Variants in BAZ2B observed in about 807,000 individuals in gnomAD.
BAZ2B encodes bromodomain adjacent to zinc finger domain protein 2B.
In BAZ2B, 91 loss-of-function variants were observed where a neutral mutation model predicts 246.0. The ratio of observed to expected loss-of-function variants is 0.37; its 90% confidence interval spans 0.31 to 0.44. The LOEUF (loss-of-function observed/expected upper bound fraction) is 0.44. BAZ2B is among the 20% of genes least tolerant of loss of function. The pLI is 1.00. For missense variants in BAZ2B, 2,332 were observed against 2,533.7 expected (o/e 0.92, Z 1.71); for synonymous variants, 855 against 860.0 (o/e 0.99, Z 0.10).
rs1313158347 is a variant in BAZ2B at position 159,529,019 on chromosome 2, G to A, written c.-3+26804C>T. The stretch of plus-strand genomic sequence containing the variant: ...AGGAGATATACCTAATGTAAATGAC[G>A]AGTTAATGGGTGCAGCACACCAACA... On this transcript the variant is annotated intron_variant, in intron 2 of 36. Transcript: ENST00000392783. Among the ~76,000 whole-genome samples, 4 of 151,248 alleles carry A rather than the reference G, an allele frequency of 2.6e-5. No individual in the cohort carries two copies. The South Asian group carries it at 6.3e-4, about 24-fold the overall frequency.
chr2:159,551,517 T>C (rs1395899096), intron 2 of BAZ2B, among the ~76,000 whole-genome samples: 1 of 136,868 alleles, frequency 7.3e-6, no homozygotes, highest in African/African-American at 2.7e-5. Flanking sequence ...TTATTAAATA[T>C]ACAGTAAAAT....
chr2:159,540,902 C>G (rs934030280), intron 2 of BAZ2B, among the ~76,000 whole-genome samples: 5 of 152,106 alleles, frequency 3.3e-5, no homozygotes, highest in Non-Finnish European at 7.4e-5. Context: ...TGAGAAGCAA[C>G]AAGTCACAAG....
At chr2:159,436,890 A>C (rs1559414005) in intron 8 of BAZ2B, among the ~76,000 whole-genome samples, 1 of 152,236 alleles carries the variant, frequency 6.6e-6, no homozygotes, top group Non-Finnish European at 1.5e-5. Flanking sequence ...TGAAGGATTC[A>C]ATGATTAAAT....
At chr2:159,694,052 T>G in the BAZ2B span, 1 of 152,290 alleles carries the variant, frequency 6.6e-6, no homozygotes, top group East Asian at 1.9e-4. Flanking sequence ...TACCTTAGAA[T>G]GTGATTGAAT....
In BAZ2B at chr2:159,524,656, C is replaced by T. The variant is rs2084531714; in HGVS notation, c.-3+31167G>A. ...GTTGTTACACTAATCACAAAGTTCA[C>T]TATTTATCAAAGCAAGTCCTCAAGT... On this transcript the variant is annotated intron_variant, in intron 2 of 36. Transcript: ENST00000392783. 2.6e-5 allele frequency among the ~76,000 whole-genome samples: 4 copies of T among 152,084 alleles called. No homozygotes were observed. The South Asian group carries it at 8.3e-4, about 32-fold the overall frequency.
chr2:159,315,503 G>A (rs181383989), downstream of BAZ2B, among the ~76,000 whole-genome samples: 1 of 152,280 alleles, frequency 6.6e-6, no homozygotes, highest in Admixed American at 6.5e-5. Context: ...CAGGCACAGG[G>A]CTGGTAAGCT....
chr2:159,623,478 T>C, the BAZ2B span, among the ~76,000 whole-genome samples: 1 of 152,170 alleles, frequency 6.6e-6, no homozygotes, highest in Non-Finnish European at 1.5e-5. Context: ...TTGCTCATAG[T>C]AAGAGAAATG....
chr2:159,347,882 TATAA>T (rs774954229), intron 30 of BAZ2B, among the ~76,000 whole-genome samples: 6 of 152,120 alleles, frequency 3.9e-5, no homozygotes, highest in African/African-American at 7.2e-5. Context: ...ACTTAAAAAA[TATAA>T]ATAGTTTGTT....
upstream of BAZ2B, among the ~76,000 whole-genome samples, chr2:159,618,757 A>G (rs1696313240): frequency 6.6e-6 from 1 of 152,144 alleles, no homozygotes; most frequent in Non-Finnish European, 1.5e-5. Context: ...TGAAAAGATA[A>G]GGAAAAAGTG....
chr2:159,468,023 T>C (rs902444033), intron 3 of BAZ2B, among the ~76,000 whole-genome samples: 2 of 152,106 alleles, frequency 1.3e-5, no homozygotes, highest in Non-Finnish European at 2.9e-5. Context: ...CCACAGCAAG[T>C]ATGAGACCCA....
chr2:159,491,374 A>C (rs2080435393), intron 2 of BAZ2B, among the ~76,000 whole-genome samples: 1 of 152,184 alleles, frequency 6.6e-6, no homozygotes, highest in South Asian at 2.1e-4. Context: ...AAGGAGGTAT[A>C]TAATAATACT....
chr2:159,337,904 T>A, intron 31 of BAZ2B, 132 bp from the exon 32 acceptor site: 1 of 839,826 alleles, frequency 1.2e-6, no homozygotes, highest in Non-Finnish European at 1.7e-6. Context: ...TTACCTTGTG[T>A]TTCCTAAAAC....
intron 28 of BAZ2B, 120 bp from the exon 29 acceptor site, chr2:159,349,400 C>T: frequency 9.2e-7 from 1 of 1,088,844 alleles, no homozygotes; most frequent in Admixed American, 3.1e-5. Flanking sequence ...ATTACAATTA[C>T]AGGAAAACAA....
At chr2:159,325,583 T>C (rs1215778087) in intron 35 of BAZ2B, 70 bp downstream of exon 35, 7 of 1,450,916 alleles carry the variant, frequency 4.8e-6, no homozygotes, top group East Asian at 5.0e-5. Context: ...AGCTTTAATA[T>C]GGTAAAAGGT....
chr2:159,389,554 T>C lies in BAZ2B; in HGVS notation c.3076-69A>G, dbSNP rs192619644. On this transcript the variant is annotated intron_variant, in intron 20 of 36. Coordinates refer to ENST00000392783, the MANE Select transcript of BAZ2B (RefSeq NM_013450.4). ...ATATGTTGGAATAAACTTAGAATTA[T>C]GTAGCAACATTGAATTATTTTGCTT... 6.3e-5 allele frequency: 83 copies of C among 1,311,032 alleles called. No individual in the cohort carries two copies. In the African/African-American group the frequency reaches 1.1e-3, roughly 18 times the overall value. 81.2% of individuals were successfully genotyped at this position (1,311,032 alleles called of 1,614,324 possible).
At chr2:159,706,891 A>C in the BAZ2B span, among the ~76,000 whole-genome samples, 1 of 152,198 alleles carries the variant, frequency 6.6e-6, no homozygotes, top group Admixed American at 6.5e-5. Flanking sequence ...GATAATGTTG[A>C]TGGGCCTCAT....
intron 2 of BAZ2B, among the ~76,000 whole-genome samples, chr2:159,496,626 C>T (rs1018021652): frequency 1.3e-5 from 2 of 149,842 alleles, no homozygotes; most frequent in East Asian, 2.0e-4. Flanking sequence ...CTACTAAAAA[C>T]ACAAAATTAG....
At chr2:159,655,609 C>G in the BAZ2B span, among the ~76,000 whole-genome samples, 3 of 152,244 alleles carry the variant, frequency 2.0e-5, no homozygotes, top group South Asian at 6.2e-4. Context: ...TCCCCCCTCA[C>G]CCTCATACTG....
chr2:159,649,277 A>G, the BAZ2B span, among the ~76,000 whole-genome samples: 25 of 151,928 alleles, frequency 1.6e-4, no homozygotes, highest in East Asian at 7.7e-4. Context: ...GTTTTCCTGC[A>G]ACTAGATGGT....
Sources: gnomAD v4.1 joint callset for allele counts (sites outside exome capture counted in the v4.1 genomes callset) on GRCh38, gnomAD v4.1.1 for gene constraint, MANE v1.5 for transcripts, NCBI Gene and HGNC (gene_info 2026-07-23, HGNC 2026-07-21) for gene names.